The following MTHFD1L variants were observed in gnomAD, a reference collection of about 807,000 sequenced individuals.
The protein encoded by MTHFD1L is monofunctional C1-tetrahydrofolate synthase, mitochondrial.
Under a neutral mutation model 119.5 loss-of-function variants are expected in MTHFD1L, and 81 were observed. That is an observed-to-expected ratio of 0.68 (90% CI 0.57 to 0.82). The LOEUF (loss-of-function observed/expected upper bound fraction) is 0.82. Among genes scored for constraint, MTHFD1L ranks in the 40% least tolerant of loss-of-function variants. MTHFD1L has a pLI of 0.00. For synonymous variants in MTHFD1L, 430 were observed against 475.2 expected (o/e 0.90, Z 1.24); for missense variants, 1,125 against 1,253.4 (o/e 0.90, Z 1.55).
intron 20 of MTHFD1L, among the ~76,000 whole-genome samples, chr6:150,998,413 A>C (rs892216202): frequency 2.0e-5 from 3 of 152,164 alleles, no homozygotes; most frequent in African/African-American, 7.2e-5. Context: ...TTGCTAAGTT[A>C]CATTAATGGT....
intron 24 of MTHFD1L, among the ~76,000 whole-genome samples, chr6:151,031,117 C>T (rs562084053): frequency 2.0e-5 from 3 of 152,328 alleles, no homozygotes; most frequent in South Asian, 4.1e-4. Flanking sequence ...ATTCCTGGCA[C>T]CATATTCAGC....
intron 7 of MTHFD1L, among the ~76,000 whole-genome samples, chr6:150,902,480 A>G (rs1203833471): frequency 6.6e-6 from 1 of 152,228 alleles, no homozygotes; most frequent in East Asian, 1.9e-4. Flanking sequence ...GGAGGAGGAA[A>G]ATAGGAACAA....
rs565755971 is a variant in MTHFD1L at position 151,041,918 on chromosome 6, C to T, written c.2847+4801C>T. On this transcript the variant is annotated intron_variant, in intron 26 of 27. Coordinates refer to ENST00000367321, the MANE Select transcript of MTHFD1L (RefSeq NM_015440.5). ...TGGAGCTTTTTTCCGCTCCAGATTT[C>T]GCTTCTAAATATTTACTTTTACTTT... 8.0e-4 allele frequency: 356 copies of T among 442,638 alleles called. 3 individuals carry two copies. The highest frequency in any genetic ancestry group is 6.7e-3 in the African/African-American group (325 of 48,620). 27.4% of individuals were successfully genotyped at this position (442,638 alleles called of 1,614,324 possible).
chr6:150,866,164 C>T, intron 1 of MTHFD1L, 115 bp downstream of exon 1: 1 of 1,383,806 alleles, frequency 7.2e-7, no homozygotes, highest in South Asian at 1.5e-5. Context: ...GTGTTTGGTG[C>T]CAACTCATTA....
intron 26 of MTHFD1L, among the ~76,000 whole-genome samples, chr6:151,044,980 C>T (rs117735183): frequency 6.6e-6 from 1 of 152,330 alleles, no homozygotes; most frequent in Non-Finnish European, 1.5e-5. Context: ...CGTCCCCCTC[C>T]CTCTACTGTA....
In MTHFD1L at chr6:150,877,892, C is replaced by T. The variant is rs1394551900; in HGVS notation, c.417+66C>T. The T allele has an allele frequency of 7.6e-6, 12 of 1,574,364 alleles. No individual in the cohort carries two copies. The South Asian group carries it at 7.8e-5, about 10-fold the overall frequency. On this transcript the variant is annotated intron_variant, in intron 4 of 27. Transcript: ENST00000367321. ...TCTTGAGACTTAATAGGCCCATTGG[C>T]GTCTCTTAGTGGTGGCTGGGACAGA...
At chr6:150,867,946 C>T (rs908972489) in intron 1 of MTHFD1L, among the ~76,000 whole-genome samples, 2 of 151,680 alleles carry the variant, frequency 1.3e-5, no homozygotes, top group Non-Finnish European at 2.9e-5. Context: ...TACAGGAGCA[C>T]GCCACCACGC....
chr6:151,028,996 AG>A (rs1784962034), intron 24 of MTHFD1L, among the ~76,000 whole-genome samples: 1 of 152,198 alleles, frequency 6.6e-6, no homozygotes, highest in Non-Finnish European at 1.5e-5. Flanking sequence ...ACTTGAGCCC[AG>A]GAAGTTGAGG....
In MTHFD1L at chr6:150,898,754, C is replaced by G. The variant is rs150269913; in HGVS notation, c.781-6896C>G. 2.2e-4 allele frequency: 67 copies of G among 303,300 alleles called. 1 individual carries two copies. The East Asian group carries it at 7.3e-3, about 33-fold the overall frequency. 18.8% of individuals were successfully genotyped at this position (303,300 alleles called of 1,614,324 possible). On this transcript the variant is annotated intron_variant, in intron 7 of 27. Coordinates refer to ENST00000367321, the MANE Select transcript of MTHFD1L (RefSeq NM_015440.5). The stretch of plus-strand genomic sequence containing the variant: ...ATGTGAAGGAAGCTTCCTGTTACCA[C>G]CCCCCATCTACATACACATTCTCTT...
rs1307211318 is a variant in MTHFD1L, at chr6:150,865,771, C to G, written c.-52C>G. The stretch of plus-strand genomic sequence containing the variant: ...CCTGCTCCCCTGGCACGCGCCCCGC[C>G]GCCCTCGGCAGCCGCAGCTCCGTGT... On this transcript the variant is annotated 5_prime_UTR_variant, in exon 1 of 28. Coordinates refer to ENST00000367321, the MANE Select transcript of MTHFD1L (RefSeq NM_015440.5). 3.2e-6 allele frequency: 4 copies of G among 1,237,468 alleles called. No individual in the cohort carries two copies. The highest frequency in any genetic ancestry group is 4.1e-6 in the Non-Finnish European group (4 of 986,544). 76.7% of individuals were successfully genotyped at this position (1,237,468 alleles called of 1,614,324 possible). A position where few individuals can be genotyped will look rare whatever the true frequency, so the allele number is the denominator to read the frequency against.
intron 24 of MTHFD1L, among the ~76,000 whole-genome samples, chr6:151,024,564 C>G (rs1441903724): frequency 6.6e-6 from 1 of 152,042 alleles, no homozygotes; most frequent in Non-Finnish European, 1.5e-5. Context: ...CACGATGGCT[C>G]CCTCCTATAA....
intron 26 of MTHFD1L, among the ~76,000 whole-genome samples, chr6:151,071,046 A>T (rs1328652849): frequency 7.2e-5 from 11 of 152,224 alleles, no homozygotes; most frequent in African/African-American, 2.7e-4. Flanking sequence ...GTTCCAGATC[A>T]CTTTGCGTCA....
At chr6:150,882,989 C>A in intron 5 of MTHFD1L, 103 bp downstream of exon 5, 3 of 1,118,526 alleles carry the variant, frequency 2.7e-6, no homozygotes, top group South Asian at 1.7e-5. Context: ...TCAACTGTGT[C>A]AGTAATTGGA....
At chr6:150,938,553 A>G (rs374816709) in intron 12 of MTHFD1L, 146 bp from the exon 13 acceptor site, 3 of 743,960 alleles carry the variant, frequency 4.0e-6, no homozygotes, top group Non-Finnish European at 7.1e-6. Flanking sequence ...GGATATAACC[A>G]TTAGTGTCTC....
At chr6:151,045,661 C>T (rs576152910) in intron 26 of MTHFD1L, among the ~76,000 whole-genome samples, 8 of 152,280 alleles carry the variant, frequency 5.3e-5, no homozygotes, top group South Asian at 4.1e-4. Flanking sequence ...TCCCTGTGTC[C>T]TTTGTCTCCC....
chr6:151,035,199 A>G (rs1287488556), intron 25 of MTHFD1L, among the ~76,000 whole-genome samples: 1 of 152,194 alleles, frequency 6.6e-6, no homozygotes, highest in Admixed American at 6.5e-5. Flanking sequence ...ATCTGACAGC[A>G]TGCATCACCA....
intron 24 of MTHFD1L, among the ~76,000 whole-genome samples, chr6:151,023,809 A>C (rs1452482110): frequency 1.3e-5 from 2 of 152,194 alleles, no homozygotes; most frequent in Non-Finnish European, 2.9e-5. Context: ...ATGATGAACT[A>C]TCAAAGTCAC....
At chr6:151,089,344 G>T (rs1794158685) in intron 26 of MTHFD1L, among the ~76,000 whole-genome samples, 1 of 152,252 alleles carries the variant, frequency 6.6e-6, no homozygotes, top group South Asian at 2.1e-4. Context: ...GCTCACGCCT[G>T]TAATCCCAGC....
chr6:150,890,824 A>G (rs1216481313), intron 7 of MTHFD1L, among the ~76,000 whole-genome samples: 4 of 152,242 alleles, frequency 2.6e-5, no homozygotes, highest in African/African-American at 9.6e-5. Context: ...CACTGCAACA[A>G]GTATTTAAAC....
Sources: allele counts gnomAD v4.1 joint callset (sites outside exome capture counted in the v4.1 genomes callset), GRCh38; gene constraint gnomAD v4.1.1; transcripts MANE v1.5; gene names NCBI Gene and HGNC (gene_info 2026-07-23, HGNC 2026-07-21).